LHX4: variants seen among roughly 807,000 people sequenced by gnomAD.
LHX4 encodes the protein LIM homeobox 4.
Under a neutral mutation model 39.2 loss-of-function variants are expected in LHX4, and 16 were observed. The ratio of observed to expected loss-of-function variants is 0.41; its 90% CI spans 0.28 to 0.62. The LOEUF (loss-of-function observed/expected upper bound fraction) is 0.62, where lower values mean the gene tolerates loss of function less well. LHX4 is among the 20% of genes least tolerant of loss of function. The pLI, the probability that LHX4 is intolerant of heterozygous loss-of-function variation, is 0.33. For missense variants in LHX4, 439 were observed against 511.9 expected, an observed-to-expected ratio of 0.86 and a Z score of 1.37; for synonymous variants, 206 against 198.1, an observed-to-expected ratio of 1.04 and a Z score of -0.33.
In LHX4 at chr1:180,248,420, G is replaced by A. The variant is rs751792048; in HGVS notation, c.212G>A (p.Arg71Lys). ...CAGCTGGCGGACAGGTGCTTCTCCAGGGCTGGGAGCGTCTACTGCAAGGAG... is the reference window on the plus strand; with the variant it reads ...CAGCTGGCGGACAGGTGCTTCTCCAAGGCTGGGAGCGTCTACTGCAAGGAG... ...QMQLADRCFS[R>K]AGSVYCKEDF... The change falls in exon 2 of 6, where the codon AGG becomes AAG. Residue 71 changes from arginine (R) to lysine (K), a missense_variant. Transcript: ENST00000263726. 2.5e-5 allele frequency: 40 copies of A among 1,614,098 alleles called. No homozygotes were observed. Among genetic ancestry groups the A allele is most frequent in the African/African-American group, 5.3e-5 (4 of 74,956 alleles).
chr1:180,262,458 C>A (rs904952066), intron 2 of LHX4, among the ~76,000 whole-genome samples: 2 of 152,056 alleles, frequency 1.3e-5, no homozygotes, highest in Non-Finnish European at 2.9e-5. Context: ...ACCTCCACTG[C>A]AGGCTGGTTT....
At chr1:180,241,504 T>C (rs1246808810) in intron 1 of LHX4, among the ~76,000 whole-genome samples, 1 of 152,242 alleles carries the variant, frequency 6.6e-6, no homozygotes, top group Non-Finnish European at 1.5e-5. Context: ...ACAGTGGCAC[T>C]GTGAGGGCTC....
rs1398215062 is a variant in LHX4 at position 180,277,879 on chromosome 1, G to GC, written c.*3300_*3301insC. On this transcript the variant is annotated 3_prime_UTR_variant, in exon 6 of 6. Transcript: ENST00000263726. ...TGGCAGTGTCCTTAAACTTTTTTTG[G>GC]GGGGGGGCAGTGTAAAACATGAAAC... 1.3e-5 allele frequency: 2 copies of GC among 149,972 alleles called. No homozygotes were observed. Among genetic ancestry groups the GC allele is most frequent in the Non-Finnish European group, 3.0e-5 (2 of 67,380 alleles). 9.3% of individuals were successfully genotyped at this position (149,972 alleles called of 1,614,324 possible).
In LHX4 at chr1:180,276,836, G is replaced by GC. The variant is rs879277139; in HGVS notation, c.*2257_*2258insC. 6.0e-5 allele frequency: 2 copies of GC among 33,304 alleles called. No individual in the cohort carries two copies. The highest frequency in any genetic ancestry group is 2.0e-4 in the African/African-American group (2 of 10,068). The allele number at this position is 33,304 out of a possible 1,614,324, so 2.1% of individuals were successfully genotyped here. A position where few individuals can be genotyped will look rare whatever the true frequency, so the allele number is the denominator to read the frequency against. ...TGGGGGAGAGCAGGCTTTTTAAAAG[G>GC]GGGGGGGGCATCCTCCTCTGTGTAG... On this transcript the variant is annotated 3_prime_UTR_variant, in exon 6 of 6. Coordinates refer to ENST00000263726, the MANE Select transcript of LHX4 (RefSeq NM_033343.4).
chr1:180,243,025 G>A (rs979768730), intron 1 of LHX4, among the ~76,000 whole-genome samples: 10 of 152,032 alleles, frequency 6.6e-5, no homozygotes, highest in African/African-American at 2.4e-4. Flanking sequence ...TTTTTGCTCT[G>A]TCATCCAGGC....
rs535856338 is a variant in LHX4 at position 180,274,829 on chromosome 1, C to G, written c.*250C>G. The stretch of plus-strand genomic sequence containing the variant: ...GTAATGGCCTAGAGCTCTAGGGACA[C>G]TGGCTTGTTGGGTCTCTCCCCTGCT... On this transcript the variant is annotated 3_prime_UTR_variant, in exon 6 of 6. Transcript: ENST00000263726. 8.0e-5 allele frequency: 35 copies of G among 437,756 alleles called. No homozygotes were observed. The highest frequency in any genetic ancestry group is 5.8e-4 in the Middle Eastern group (1 of 1,710). The allele number at this position is 437,756 out of a possible 1,614,324, so 27.1% of individuals were successfully genotyped here. A position where few individuals can be genotyped will look rare whatever the true frequency, so the allele number is the denominator to read the frequency against.
At chr1:180,265,109 A>G (rs997435332) in intron 2 of LHX4, among the ~76,000 whole-genome samples, 2 of 152,188 alleles carry the variant, frequency 1.3e-5, no homozygotes, top group East Asian at 1.9e-4. Context: ...AGCCATGACC[A>G]TAATTAATTT....
In LHX4 at chr1:180,266,286, TG is replaced by T; in HGVS notation, c.249-104del. The T allele has an allele frequency of 9.4e-7, 1 of 1,063,282 alleles. No individual in the cohort carries two copies. 65.9% of individuals were successfully genotyped at this position (1,063,282 alleles called of 1,614,324 possible). On this transcript the variant is annotated intron_variant, in intron 2 of 5. Coordinates refer to ENST00000263726, the MANE Select transcript of LHX4 (RefSeq NM_033343.4). This position sits in a 1 kb window ranked among gnomAD's most constrained non-coding sequence, Gnocchi z 5.7. ...CTGGGTGACTGGGGGGTGAGGCTCA[TG>T]GAGTCCCGGAGTGGTGGGGTAGGAG...
chr1:180,268,191 T>G (rs1571285890), intron 3 of LHX4, among the ~76,000 whole-genome samples: 1 of 152,326 alleles, frequency 6.6e-6, no homozygotes, highest in Admixed American at 6.5e-5. Flanking sequence ...TCACAGCAGA[T>G]GGACTCAGAG....
At chr1:180,244,929 C>G (rs554535826) in intron 1 of LHX4, among the ~76,000 whole-genome samples, 2 of 152,234 alleles carry the variant, frequency 1.3e-5, no homozygotes, top group Non-Finnish European at 2.9e-5. Context: ...CCCTGCACAG[C>G]TGTGCCTAGC....
In LHX4 at chr1:180,234,195, AT is replaced by A. The variant is rs1558207172; in HGVS notation, c.76+3591del. Among the ~76,000 whole-genome samples, 146 of 89,250 alleles carry A rather than the reference AT, an allele frequency of 1.6e-3. 2 individuals are homozygous for A. The highest frequency in any genetic ancestry group is 7.5e-3 in the East Asian group (15 of 2,010). 58.6% of individuals were successfully genotyped at this position (89,250 alleles called of 152,430 possible). A position where few individuals can be genotyped will look rare whatever the true frequency, so the allele number is the denominator to read the frequency against. ...TATATATATATATATATATATATAT[AT>A]ATATATATATATATATATATATATA... is the stretch of plus-strand genomic sequence containing the variant. On this transcript the variant is annotated intron_variant, in intron 1 of 5. Transcript: ENST00000263726. This position sits in a 1 kb window ranked among gnomAD's most constrained non-coding sequence, Gnocchi z 4.8.
intron 2 of LHX4, among the ~76,000 whole-genome samples, chr1:180,253,687 C>T (rs950703678): frequency 6.6e-6 from 1 of 152,342 alleles, no homozygotes; most frequent in Non-Finnish European, 1.5e-5. Flanking sequence ...AGGAAGAAGA[C>T]GTGTGTGACC....
intron 3 of LHX4, chr1:180,269,741 C>G (rs1478151333): frequency 6.6e-6 from 1 of 152,236 alleles, no homozygotes; most frequent in Non-Finnish European, 1.5e-5. Context: ...AAAGTTGCAT[C>G]AGACACTCCC....
rs1649107534 is a variant in LHX4, at chr1:180,277,554, AG to A, written c.*2977del. 6.6e-6 allele frequency: 1 copy of A among 152,160 alleles called. No homozygotes were observed. Among genetic ancestry groups the A allele is most frequent in the African/African-American group, 2.4e-5 (1 of 41,436 alleles). 9.4% of individuals were successfully genotyped at this position (152,160 alleles called of 1,614,324 possible). ...CAAAATGGAAACTGAGGGGCTATGG[AG>A]GAATCTCTGTTTGTTGGAACGTAAT... On this transcript the variant is annotated 3_prime_UTR_variant, in exon 6 of 6. Transcript: ENST00000263726.
At position 180,274,571 on chromosome 1, in the gene LHX4, C is replaced by A. The variant is rs145433128; in HGVS notation, c.1165C>A (p.Pro389Thr). The part of the protein sequence containing the change: ...GSWLDEMDHP[P>T]F ...TTGGCTCGATGAAATGGATCATCCT[C>A]CTTTTTAAACTTCTCTCCTCCCCAC... is the stretch of plus-strand genomic sequence containing the variant. The change falls in exon 6 of 6, where the codon CCT becomes ACT. Residue 389 changes from proline (P) to threonine (T), a missense_variant. Physicochemically the swap from Pro to Thr is conservative, Grantham distance 38. Coordinates refer to ENST00000263726, the MANE Select transcript of LHX4 (RefSeq NM_033343.4). The A allele has an allele frequency of 7.5e-5, 118 of 1,573,020 alleles. No individual in the cohort carries two copies. In the East Asian group the frequency reaches 1.8e-3, roughly 24 times the overall value.
intron 2 of LHX4, among the ~76,000 whole-genome samples, chr1:180,256,836 G>C (rs1226793583): frequency 6.6e-6 from 1 of 152,248 alleles, no homozygotes; most frequent in Non-Finnish European, 1.5e-5. Context: ...GAGAAGGGCA[G>C]ATGAGGTGCT....
At chr1:180,233,400 C>T (rs550841261) in intron 1 of LHX4, among the ~76,000 whole-genome samples, 1 of 152,326 alleles carries the variant, frequency 6.6e-6, no homozygotes, top group South Asian at 2.1e-4. Flanking sequence ...CCCTACGGCC[C>T]GCACCGACAG....
chr1:180,250,489 G>A (rs572041598), intron 2 of LHX4, among the ~76,000 whole-genome samples: 6 of 152,330 alleles, frequency 3.9e-5, no homozygotes, highest in Non-Finnish European at 8.8e-5. Context: ...GTGTGCAGAT[G>A]TGTATGCCTG....
At position 180,266,855 on chromosome 1, in the gene LHX4, C is replaced by T. The variant is rs1648340520; in HGVS notation, c.451+261C>T. Among the ~76,000 whole-genome samples, 1 of 152,248 alleles carries T rather than the reference C, an allele frequency of 6.6e-6. No individual in the cohort carries two copies. On this transcript the variant is annotated intron_variant, in intron 3 of 5. Coordinates refer to ENST00000263726, the MANE Select transcript of LHX4 (RefSeq NM_033343.4). This position sits in a 1 kb window ranked among gnomAD's most constrained non-coding sequence, Gnocchi z 5.7. ...AGCCTGCCTGTCTCCATGGTAGGCTCAGAAGCAGCCAAGAACCTGGTTGTT... is the reference window on the plus strand; with the variant it reads ...AGCCTGCCTGTCTCCATGGTAGGCTTAGAAGCAGCCAAGAACCTGGTTGTT...
Sources: gnomAD v4.1 joint callset for allele counts (sites outside exome capture counted in the v4.1 genomes callset) on GRCh38, gnomAD v4.1.1 for gene constraint, Gnocchi (gnomAD v3.1) non-coding constraint, MANE v1.5 for transcripts, NCBI Gene and HGNC (gene_info 2026-07-23, HGNC 2026-07-21) for gene names.